RHEBL1: variants seen among roughly 807,000 people sequenced by gnomAD.
RHEBL1 encodes the protein RHEB like 1, also known as GTPase RhebL1.
In RHEBL1, 22 loss-of-function variants were observed where a neutral mutation model predicts 27.4. That is an observed-to-expected ratio of 0.80 (90% CI 0.57 to 1.15). The LOEUF (loss-of-function observed/expected upper bound fraction) is 1.15. RHEBL1 is among the 50% of genes most tolerant of loss of function. RHEBL1 has a pLI of 0.00. For synonymous variants in RHEBL1, 85 were observed against 80.8 expected, an observed-to-expected ratio of 1.05 and a Z score of -0.28; for missense variants, 186 against 226.5, an observed-to-expected ratio of 0.82 and a Z score of 1.15.
intron 2 of RHEBL1, among the ~76,000 whole-genome samples, chr12:49,068,455 TGAGACAG>T: frequency 7.1e-6 from 1 of 141,604 alleles, no homozygotes; most frequent in Non-Finnish European, 1.5e-5. Context: ...TTTTTTTTTT[TGAGACAG>T]TCTCACCCTG....
intron 4 of RHEBL1, 21 bp downstream of exon 4, chr12:49,066,598 C>T (rs775174473): frequency 1.2e-6 from 2 of 1,613,678 alleles, no homozygotes; most frequent in Non-Finnish European, 1.7e-6. Flanking sequence ...AAGTCCCGCA[C>T]TCACAACCTT....
Position 49,066,466 on chromosome 12 carries a change from G to A in RHEBL1, c.332+10C>T. The A allele has an allele frequency of 6.2e-7, 1 of 1,613,410 alleles. No individual in the cohort carries two copies. Among genetic ancestry groups the A allele is most frequent in the Non-Finnish European group, 8.5e-7 (1 of 1,179,596 alleles). The stretch of plus-strand genomic sequence containing the variant: ...CCCACACTATGTCCCTATCCCCCAG[G>A]GCCACTTACCGGGTTTTCCCATGGC... On this transcript the variant is annotated intron_variant, in intron 5 of 7. Transcript: ENST00000301068.
At chr12:49,065,571 A>G in intron 6 of RHEBL1, 140 bp from the exon 7 acceptor site, 1 of 684,114 alleles carries the variant, frequency 1.5e-6, no homozygotes. Context: ...GAGGTGGTGG[A>G]TCACTTGAGC....
In RHEBL1 at chr12:49,065,383, C is replaced by T. The variant is rs751989830; in HGVS notation, c.429G>A (p.Ala143=). The T allele has an allele frequency of 2.7e-5, 44 of 1,614,038 alleles. No homozygotes were observed. The South Asian group carries it at 3.7e-4, about 14-fold the overall frequency. Reference sequence around the variant, plus strand: ...CTCGAGCAGATGACTCCATAAATGTCGCACCCCAGGACTCTGCCAGCTTCT... The same window carrying T: ...CTCGAGCAGATGACTCCATAAATGTTGCACCCCAGGACTCTGCCAGCTTCT... The part of the protein sequence containing the change: ...EGKKLAESWG[A]TFMESSAREN... The change falls in exon 7 of 8, where the codon GCG becomes GCA. Residue 143 remains alanine (A), a synonymous_variant. Coordinates refer to ENST00000301068, the MANE Select transcript of RHEBL1 (RefSeq NM_144593.3).
intron 3 of RHEBL1, 35 bp downstream of exon 3, chr12:49,066,933 A>G (rs1244315769): frequency 6.5e-7 from 1 of 1,548,812 alleles, no homozygotes; most frequent in East Asian, 2.2e-5. Context: ...CGAGGGCTGA[A>G]CTGCCACATT....
chr12:49,069,478 A>G (rs1021868656), intron 1 of RHEBL1, among the ~76,000 whole-genome samples: 1 of 135,982 alleles, frequency 7.4e-6, no homozygotes, highest in Non-Finnish European at 1.7e-5. Flanking sequence ...CTATCCCCAA[A>G]GTAACGCTGG....
chr12:49,068,130 T>TC (rs1939027481), intron 2 of RHEBL1, among the ~76,000 whole-genome samples: 1 of 151,328 alleles, frequency 6.6e-6, no homozygotes, highest in African/African-American at 2.4e-5. Context: ...TTCTTTTTTT[T>TC]TTTTCTTTTT....
Position 49,066,294 on chromosome 12 carries a change from A to C in RHEBL1, c.333-16T>G, listed in dbSNP as rs1304668956. ...CACTGGCACCCTGTGAGGAAACAGC[A>C]GTTACTTCAGAATCCCCTCATTCCC... On this transcript the variant is annotated splice_polypyrimidine_tract_variant and intron_variant, in intron 5 of 7. Transcript: ENST00000301068. 1 of 1,612,744 alleles carries C rather than the reference A, an allele frequency of 6.2e-7. No individual in the cohort carries two copies. The highest frequency in any genetic ancestry group is 8.5e-7 in the Non-Finnish European group (1 of 1,178,764).
At chr12:49,067,091 T>A in intron 2 of RHEBL1, 56 bp from the exon 3 acceptor site, 1 of 965,256 alleles carries the variant, frequency 1.0e-6, no homozygotes, top group Non-Finnish European at 1.6e-6. Context: ...GCGATGTATG[T>A]CCCCTGACTT....
At chr12:49,067,912 C>G (rs1939023140) in intron 2 of RHEBL1, among the ~76,000 whole-genome samples, 1 of 152,066 alleles carries the variant, frequency 6.6e-6, no homozygotes. Flanking sequence ...CTGGAATATT[C>G]ATCACCTTAA....
intron 1 of RHEBL1, among the ~76,000 whole-genome samples, chr12:49,069,325 C>T (rs1033370165): frequency 5.3e-5 from 8 of 152,184 alleles, no homozygotes; most frequent in Non-Finnish European, 7.3e-5. Context: ...CAGCAGGAAG[C>T]CTTTCCCGCC....
In RHEBL1 at chr12:49,069,904, T is replaced by C; in HGVS notation, c.-119A>G. 1.2e-6 allele frequency: 1 copy of C among 839,452 alleles called. No homozygotes were observed. The highest frequency in any genetic ancestry group is 2.6e-5 in the East Asian group (1 of 38,020). The allele number at this position is 839,452 out of a possible 1,614,324, so 52.0% of individuals were successfully genotyped here. On this transcript the variant is annotated 5_prime_UTR_variant, in exon 1 of 8. Transcript: ENST00000301068. ...AAAGTCGCTCACCCCGAAGCTGCCG[T>C]GGGCAAGTTAGAAGGAAACCAAAAC...
chr12:49,068,923 G>A lies in RHEBL1; in HGVS notation c.124+112C>T, dbSNP rs115245628. On this transcript the variant is annotated intron_variant, in intron 2 of 7. Transcript: ENST00000301068. Reference sequence around the variant, plus strand: ...TGCTAAAGAAGAAATCAGATGTAATGTCTAAATAAATCAGCCCCTTGGCAC... The same window carrying A: ...TGCTAAAGAAGAAATCAGATGTAATATCTAAATAAATCAGCCCCTTGGCAC... The A allele has an allele frequency of 4.3e-3, 4,853 of 1,116,080 alleles. 147 individuals carry two copies. The African/African-American group carries it at 0.067, about 15-fold the overall frequency. The allele number at this position is 1,116,080 out of a possible 1,614,324, so 69.1% of individuals were successfully genotyped here.
chr12:49,068,940 C>A, intron 2 of RHEBL1, 95 bp downstream of exon 2: 1 of 1,305,618 alleles, frequency 7.7e-7, no homozygotes, highest in East Asian at 2.4e-5. Flanking sequence ...TAAATCAGCC[C>A]CTTGGCACCA....
chr12:49,068,207 G>A (rs1939029185), intron 2 of RHEBL1, among the ~76,000 whole-genome samples: 1 of 150,084 alleles, frequency 6.7e-6, no homozygotes, highest in Non-Finnish European at 1.5e-5. Flanking sequence ...TCGGCTCACT[G>A]CAACCTCCGC....
chr12:49,065,015 T>C lies in RHEBL1; in HGVS notation c.*88A>G, dbSNP rs1040573809. ...GGGCCAGGAACACAGCTGGCAACCA[T>C]ACCCGTGAAGTCCTGAGGATCTGCC... is the stretch of plus-strand genomic sequence containing the variant. On this transcript the variant is annotated 3_prime_UTR_variant, in exon 8 of 8. Transcript: ENST00000301068. 2 of 940,174 alleles carry C rather than the reference T, an allele frequency of 2.1e-6. No homozygotes were observed. Among genetic ancestry groups the C allele is most frequent in the Non-Finnish European group, 3.5e-6 (2 of 574,508 alleles). The allele number at this position is 940,174 out of a possible 1,614,324, so 58.2% of individuals were successfully genotyped here.
chr12:49,065,523 C>T (rs1002977565), intron 6 of RHEBL1, 92 bp from the exon 7 acceptor site: 33 of 1,061,036 alleles, frequency 3.1e-5, no homozygotes, highest in Non-Finnish European at 4.5e-5. Context: ...TGGCCAGGCA[C>T]AGTGGCTCAT....
At chr12:49,069,595 C>A (rs1487872253) in intron 1 of RHEBL1, 139 bp downstream of exon 1, 2 of 748,874 alleles carry the variant, frequency 2.7e-6, no homozygotes, top group African/African-American at 1.8e-5. Flanking sequence ...CTCTTCCATT[C>A]CTCCACTCTT....
intron 6 of RHEBL1, 63 bp downstream of exon 6, chr12:49,066,168 G>C: frequency 2.3e-6 from 3 of 1,333,252 alleles, no homozygotes; most frequent in South Asian, 1.2e-5. Flanking sequence ...GCCAGGATGA[G>C]AGCCTGACTG....
Sources: gnomAD v4.1 joint callset for allele counts (sites outside exome capture counted in the v4.1 genomes callset) on GRCh38, gnomAD v4.1.1 for gene constraint, MANE v1.5 for transcripts, NCBI Gene and HGNC (gene_info 2026-07-23, HGNC 2026-07-21) for gene names.